The following CA10 variants were observed in gnomAD, a reference collection of about 807,000 sequenced individuals.
CA10 encodes the protein carbonic anhydrase-related protein 10.
In CA10, 14 loss-of-function variants were observed where a neutral mutation model predicts 44.2. The ratio of observed to expected loss-of-function variants is 0.32; its 90% CI spans 0.21 to 0.50. CA10 has a LOEUF of 0.50. Ranked by LOEUF, CA10 falls within the 20% of genes least tolerant of loss-of-function variation. The pLI, the probability that CA10 is intolerant of heterozygous loss-of-function variation, is 0.99. For synonymous variants in CA10, 159 were observed against 141.6 expected (o/e 1.12, Z -0.87); for missense variants, 350 against 409.7 (o/e 0.85, Z 1.26).
intron 1 of CA10, among the ~76,000 whole-genome samples, chr17:52,093,424 C>T (rs192865111): frequency 7.2e-5 from 11 of 152,076 alleles, no homozygotes; most frequent in East Asian, 5.8e-4. Context: ...ACATCCTGAC[C>T]GAAACCATCA....
chr17:52,110,900 C>T (rs979406892), intron 1 of CA10, among the ~76,000 whole-genome samples: 7 of 152,186 alleles, frequency 4.6e-5, no homozygotes, highest in Non-Finnish European at 8.8e-5. Flanking sequence ...CCTATACTCA[C>T]AGCAACCATG....
intron 3 of CA10, among the ~76,000 whole-genome samples, chr17:51,902,882 T>A (rs1483446434): frequency 6.6e-6 from 1 of 152,234 alleles, no homozygotes; most frequent in Non-Finnish European, 1.5e-5. Context: ...GTTAATCAAA[T>A]CTAGAAGTAT....
At chr17:52,136,299 G>A (rs138319392) in intron 1 of CA10, among the ~76,000 whole-genome samples, 3 of 152,134 alleles carry the variant, frequency 2.0e-5, no homozygotes, top group African/African-American at 4.8e-5. Context: ...ATTTATCTTC[G>A]CTCTGGAGCT....
chr17:51,826,914 C>A (rs1908028576), intron 3 of CA10, among the ~76,000 whole-genome samples: 1 of 152,208 alleles, frequency 6.6e-6, no homozygotes, highest in South Asian at 2.1e-4. Flanking sequence ...ACACTGCATT[C>A]TCCCTGTGGT....
chr17:52,086,761 T>G (rs1386985616), intron 1 of CA10, among the ~76,000 whole-genome samples: 1 of 152,222 alleles, frequency 6.6e-6, no homozygotes, highest in East Asian at 1.9e-4. Flanking sequence ...GTCTAGAATA[T>G]TCTATTTGCA....
chr17:52,135,766 T>G (rs972813034), intron 1 of CA10, among the ~76,000 whole-genome samples: 3 of 152,216 alleles, frequency 2.0e-5, no homozygotes, highest in African/African-American at 4.8e-5. Context: ...TTCTCATTAC[T>G]GCTCAATTCT....
intron 4 of CA10, among the ~76,000 whole-genome samples, chr17:51,705,161 C>T (rs1367071912): frequency 6.6e-6 from 1 of 152,114 alleles, no homozygotes; most frequent in Non-Finnish European, 1.5e-5. Flanking sequence ...CTTAAACTTG[C>T]TATGTTCCCT....
chr17:52,125,148 C>T (rs1390092855), intron 1 of CA10, among the ~76,000 whole-genome samples: 2 of 152,208 alleles, frequency 1.3e-5, no homozygotes, highest in African/African-American at 2.4e-5. Flanking sequence ...GTGTCACATT[C>T]TTCTGGAAGC....
At chr17:51,665,042 G>A (rs1001042999) in intron 4 of CA10, among the ~76,000 whole-genome samples, 1 of 152,158 alleles carries the variant, frequency 6.6e-6, no homozygotes, top group Non-Finnish European at 1.5e-5. Flanking sequence ...TAATTCAGAA[G>A]AGTCACTTTA....
chr17:51,823,373 G>A (rs116973719), intron 3 of CA10, among the ~76,000 whole-genome samples: 2,047 of 152,328 alleles, frequency 0.013, 26 homozygotes, highest in South Asian at 0.037. Flanking sequence ...CAAGGGCGAC[G>A]GCTTTGCTGG....
intron 1 of CA10, among the ~76,000 whole-genome samples, chr17:52,125,611 A>G (rs891293735): frequency 2.0e-5 from 3 of 152,108 alleles, no homozygotes; most frequent in Non-Finnish European, 4.4e-5. Flanking sequence ...TGTCCAAATC[A>G]TTCTTCGGTC....
intron 3 of CA10, among the ~76,000 whole-genome samples, chr17:51,865,018 C>A (rs75735856): frequency 2.7e-5 from 4 of 150,616 alleles, no homozygotes; most frequent in African/African-American, 9.9e-5. Context: ...CCTGAGGAAC[C>A]TAGTGTCTTA....
At chr17:51,943,221 T>C (rs564174343) in intron 2 of CA10, among the ~76,000 whole-genome samples, 1 of 152,326 alleles carries the variant, frequency 6.6e-6, no homozygotes, top group East Asian at 1.9e-4. Flanking sequence ...TCCTTTACTA[T>C]TGAAATCATC....
intron 4 of CA10, among the ~76,000 whole-genome samples, chr17:51,740,305 C>T (rs1184752043): frequency 6.6e-6 from 1 of 152,144 alleles, no homozygotes; most frequent in East Asian, 1.9e-4. Context: ...ATACTGTAGG[C>T]TCCTTACAGG....
intron 4 of CA10, among the ~76,000 whole-genome samples, chr17:51,695,013 A>C (rs1915352396): frequency 6.6e-6 from 1 of 151,924 alleles, no homozygotes; most frequent in Non-Finnish European, 1.5e-5. Flanking sequence ...CCATTGTTCT[A>C]TGTGTCTGTT....
intron 2 of CA10, among the ~76,000 whole-genome samples, chr17:51,939,363 T>G (rs781355329): frequency 2.2e-4 from 33 of 152,118 alleles, no homozygotes; most frequent in Non-Finnish European, 3.7e-4. Flanking sequence ...AATGCTGCAA[T>G]AAATAGCCTC....
rs560712932 is a variant in CA10, at chr17:51,881,314, G to A, written c.279+49676C>T. Among the ~76,000 whole-genome samples, 14 of 150,794 alleles carry A rather than the reference G, an allele frequency of 9.3e-5. No individual in the cohort carries two copies. In the East Asian group the frequency reaches 1.8e-3, roughly 19 times the overall value. ...TCAAAATAATTTTGAGATAGATTAC[G>A]GATATAAAAAACCATAATGATTAAA... On this transcript the variant is annotated intron_variant, in intron 3 of 8. Coordinates refer to ENST00000451037, the MANE Select transcript of CA10 (RefSeq NM_020178.5).
At chr17:52,093,811 T>C (rs1225851207) in intron 1 of CA10, among the ~76,000 whole-genome samples, 1 of 152,206 alleles carries the variant, frequency 6.6e-6, no homozygotes, top group Non-Finnish European at 1.5e-5. Context: ...GTTTTGCAAG[T>C]ATATCTTGTT....
In CA10 at chr17:52,146,701, T is replaced by C. The variant is rs1989596477; in HGVS notation, c.61+11025A>G. On this transcript the variant is annotated intron_variant, in intron 1 of 8. Coordinates refer to ENST00000451037, the MANE Select transcript of CA10 (RefSeq NM_020178.5). ...AAATAAATAAATAAATAAATAAATATAAAAAAATAAAAATAAAAATAAGAT... is the reference window on the plus strand; with the variant it reads ...AAATAAATAAATAAATAAATAAATACAAAAAAATAAAAATAAAAATAAGAT... 2.2e-5 allele frequency among the ~76,000 whole-genome samples: 3 copies of C among 136,828 alleles called. No individual in the cohort carries two copies. In the Admixed American group the frequency reaches 2.2e-4, roughly 10 times the overall value. 89.8% of individuals were successfully genotyped at this position (136,828 alleles called of 152,430 possible).
Sources: gnomAD v4.1 joint callset for allele counts (sites outside exome capture counted in the v4.1 genomes callset) on GRCh38, gnomAD v4.1.1 for gene constraint, MANE v1.5 for transcripts, NCBI Gene and HGNC (gene_info 2026-07-23, HGNC 2026-07-21) for gene names.